Variants in SNED1 observed in about 807,000 individuals in gnomAD.
SNED1 encodes sushi, nidogen and EGF-like domain-containing protein 1.
Under a neutral mutation model 166.7 loss-of-function variants are expected in SNED1, and 81 were observed. The ratio of observed to expected loss-of-function variants is 0.49; its 90% CI spans 0.41 to 0.58. The LOEUF (loss-of-function observed/expected upper bound fraction) is 0.58. SNED1 is among the 20% of genes least tolerant of loss of function. The probability of loss-of-function intolerance (pLI) is 0.00; values close to 1 mark genes in which losing one functional copy is unlikely to be tolerated. For synonymous variants in SNED1, 762 were observed against 822.0 expected, an observed-to-expected ratio of 0.93 and a Z score of 1.25; for missense variants, 1,604 against 2,000.2, an observed-to-expected ratio of 0.80 and a Z score of 3.78.
rs776164747 is a variant in SNED1 at position 241,040,069 on chromosome 2, C to A, written c.1046-6C>A. On this transcript the variant is annotated splice_polypyrimidine_tract_variant and splice_region_variant and intron_variant, in intron 6 of 31. Transcript: ENST00000310397. ...CCATCGTCCTGTCTACACCTCCTCA[C>A]TCTAGCCCAATCCCCCTGTGACACC... 3 of 1,568,388 alleles carry A rather than the reference C, an allele frequency of 1.9e-6. No homozygotes were observed. Among genetic ancestry groups the A allele is most frequent in the Non-Finnish European group, 2.6e-6 (3 of 1,155,758 alleles).
At chr2:241,043,212 C>T (rs2061562516) in intron 8 of SNED1, among the ~76,000 whole-genome samples, 1 of 152,136 alleles carries the variant, frequency 6.6e-6, no homozygotes, top group Admixed American at 6.5e-5. Flanking sequence ...CCATGCAAAG[C>T]CATACCATAA....
chr2:241,052,679 G>A (rs1328468195), intron 15 of SNED1, among the ~76,000 whole-genome samples: 2 of 66,390 alleles, frequency 3.0e-5, no homozygotes, highest in African/African-American at 7.6e-5. Context: ...CCAGGCAGGT[G>A]AGAGGGTCGG....
At chr2:241,061,065 T>C (rs1166050991) in intron 16 of SNED1, among the ~76,000 whole-genome samples, 1 of 152,112 alleles carries the variant, frequency 6.6e-6, no homozygotes, top group Non-Finnish European at 1.5e-5. Context: ...TACTTGACCA[T>C]ATGAAAATTA....
chr2:241,089,880 T>A lies in SNED1; in HGVS notation c.*1+1478T>A, dbSNP rs2063800988. On this transcript the variant is annotated intron_variant, in intron 31 of 31. Coordinates refer to ENST00000310397, the MANE Select transcript of SNED1 (RefSeq NM_001080437.3). The stretch of plus-strand genomic sequence containing the variant: ...CGGGCTACACACCACAGCGTGTTAC[T>A]GAATACTGTAGGCGGTCGTAACACA... The A allele has an allele frequency of 4.0e-6, 6 of 1,491,960 alleles. No individual in the cohort carries two copies. The Admixed American group carries it at 1.2e-4, about 30-fold the overall frequency. The allele number at this position is 1,491,960 out of a possible 1,614,324, so 92.4% of individuals were successfully genotyped here. A position where few individuals can be genotyped will look rare whatever the true frequency, so the allele number is the denominator to read the frequency against.
intron 27 of SNED1, among the ~76,000 whole-genome samples, chr2:241,078,156 G>T (rs191617877): frequency 3.3e-5 from 5 of 150,906 alleles, no homozygotes; most frequent in Admixed American, 1.3e-4. Context: ...AGGCCGAGGC[G>T]GGCAGATCAC....
Position 241,051,641 on chromosome 2 carries a change from C to A in SNED1, c.1736-103C>A, listed in dbSNP as rs553841002. The A allele has an allele frequency of 5.3e-6, 5 of 934,776 alleles. No individual in the cohort carries two copies. Among genetic ancestry groups the A allele is most frequent in the Non-Finnish European group, 7.6e-6 (5 of 654,378 alleles). The allele number at this position is 934,776 out of a possible 1,614,324, so 57.9% of individuals were successfully genotyped here. The stretch of plus-strand genomic sequence containing the variant: ...AGGCCCCAGGGCTTCGTCGAGAAGG[C>A]CCCACCAGCACCAGAGGACTGAGGA... On this transcript the variant is annotated intron_variant, in intron 12 of 31. Coordinates refer to ENST00000310397, the MANE Select transcript of SNED1 (RefSeq NM_001080437.3). This position sits in a 1 kb window ranked among gnomAD's most constrained non-coding sequence, Gnocchi z 4.7.
In SNED1 at chr2:241,018,804, C is replaced by T. The variant is rs770087658; in HGVS notation, c.214-11480C>T. On this transcript the variant is annotated intron_variant, in intron 1 of 31. Coordinates refer to ENST00000310397, the MANE Select transcript of SNED1 (RefSeq NM_001080437.3). The surrounding 1 kb of genome is among the most constrained non-coding windows in gnomAD (Gnocchi z 5.4). ...AGCCCCACAGGAGAACCCAGGTGGC[C>T]GAACCAGAGCTGAGTGAATTCCTGA... 5.9e-4 allele frequency among the ~76,000 whole-genome samples: 90 copies of T among 152,130 alleles called. No individual in the cohort carries two copies. The highest frequency in any genetic ancestry group is 2.5e-4 in the Non-Finnish European group (17 of 68,030).
chr2:241,008,776 C>T (rs996947198), intron 1 of SNED1, among the ~76,000 whole-genome samples: 1 of 152,262 alleles, frequency 6.6e-6, no homozygotes, highest in Admixed American at 6.5e-5. Context: ...CGCCTCTGGG[C>T]TCTGCGGGCC....
chr2:241,009,032 G>T (rs1422859192), intron 1 of SNED1, among the ~76,000 whole-genome samples: 1 of 152,260 alleles, frequency 6.6e-6, no homozygotes, highest in Non-Finnish European at 1.5e-5. Context: ...GGCTCACTGG[G>T]GGCAGGACAT....
At chr2:241,079,651 AAAC>A (rs1437344363) in intron 27 of SNED1, among the ~76,000 whole-genome samples, 1 of 152,156 alleles carries the variant, frequency 6.6e-6, no homozygotes, top group Non-Finnish European at 1.5e-5. Context: ...AAGGTTTTAA[AAAC>A]AATAAAAAGA....
At chr2:241,074,207 A>G (rs1371233724) in intron 27 of SNED1, 1 of 152,146 alleles carries the variant, frequency 6.6e-6, no homozygotes, top group Non-Finnish European at 1.5e-5. Flanking sequence ...CCAGCTTCTC[A>G]AGGACATGTG....
intron 2 of SNED1, among the ~76,000 whole-genome samples, chr2:241,032,380 C>T (rs1450427162): frequency 6.6e-6 from 1 of 151,534 alleles, no homozygotes; most frequent in Non-Finnish European, 1.5e-5. Flanking sequence ...CACGTTCATA[C>T]TCGGAGCCAC....
chr2:241,048,254 G>A (rs2061718759), intron 8 of SNED1, 61 bp from the exon 9 acceptor site: 6 of 1,508,474 alleles, frequency 4.0e-6, no homozygotes, highest in Middle Eastern at 1.8e-4. Context: ...GGAGCTGGGC[G>A]GGGAGACCAC....
Position 241,026,009 on chromosome 2 carries a change from C to CTTTTTTTT in SNED1, c.214-4258_214-4251dup, listed in dbSNP as rs71404676. 6.0e-3 allele frequency among the ~76,000 whole-genome samples: 439 copies of CTTTTTTTT among 73,584 alleles called. 61 individuals are homozygous for CTTTTTTTT. The highest frequency in any genetic ancestry group is 0.019 in the African/African-American group (373 of 19,262). 48.3% of individuals were successfully genotyped at this position (73,584 alleles called of 152,430 possible). On this transcript the variant is annotated intron_variant, in intron 1 of 31. Transcript: ENST00000310397. ...TTGATGTGGCTTTGTTTTTCTTTTC[C>CTTTTTTTT]TTTTTTTTTTTTTTTTTTTTTTTTG... is the stretch of plus-strand genomic sequence containing the variant.
chr2:241,089,367 TAAA>T (rs542193760), intron 31 of SNED1: 1 of 1,550,318 alleles, frequency 6.5e-7, no homozygotes, highest in Non-Finnish European at 8.7e-7. Flanking sequence ...GTTACGTGCC[TAAA>T]AAAATAAAGG....
In SNED1 at chr2:241,048,377, G is replaced by A. The variant is rs781685199; in HGVS notation, c.1336G>A (p.Asp446Asn). Reference protein sequence around the residue: ...APCHNGGTCVDADQGYVCECP... With the variant: ...APCHNGGTCVNADQGYVCECP... Reference sequence around the variant, plus strand: ...TTGCCACAATGGGGGCACCTGTGTGGATGCGGACCAGGGCTACGTGTGCGA... The same window carrying A: ...TTGCCACAATGGGGGCACCTGTGTGAATGCGGACCAGGGCTACGTGTGCGA... Residue 446 changes from aspartate (D) to asparagine (N), a missense_variant, in exon 9 of 32, where the codon GAT becomes AAT. Around this residue, in one of 2 missense-constraint regions of SNED1, gnomAD observed 1,237 missense variants for 1,620.8 expected, o/e 0.76. Coordinates refer to ENST00000310397, the MANE Select transcript of SNED1 (RefSeq NM_001080437.3). The A allele has an allele frequency of 6.2e-7, 1 of 1,612,092 alleles. No homozygotes were observed. Among genetic ancestry groups the A allele is most frequent in the Non-Finnish European group, 8.5e-7 (1 of 1,179,226 alleles).
At position 241,069,622 on chromosome 2, in the gene SNED1, CA is replaced by C. The variant is rs2062611058; in HGVS notation, c.3308-297del. ...GCACAGGGCTCCACGCAGCCAGGCT[CA>C]GGGGAACCGACTGTGCCGCAGGGAG... On this transcript the variant is annotated intron_variant, in intron 23 of 31. Transcript: ENST00000310397. The surrounding 1 kb of genome is among the most constrained non-coding windows in gnomAD (Gnocchi z 4.9). Among the ~76,000 whole-genome samples, 1 of 152,170 alleles carries C rather than the reference CA, an allele frequency of 6.6e-6. No individual in the cohort carries two copies. The highest frequency in any genetic ancestry group is 2.1e-4 in the South Asian group (1 of 4,832).
intron 5 of SNED1, 49 bp downstream of exon 5, chr2:241,036,964 A>G: frequency 2.5e-6 from 4 of 1,569,224 alleles, no homozygotes; most frequent in Non-Finnish European, 3.5e-6. Context: ...CGCTGGGCTC[A>G]GGAGGAGCAC....
intron 8 of SNED1, among the ~76,000 whole-genome samples, chr2:241,046,900 T>A (rs1411490889): frequency 2.6e-5 from 4 of 152,158 alleles, no homozygotes; most frequent in Non-Finnish European, 4.4e-5. Context: ...ATCCCAGCAC[T>A]TTGGGAGGCC....
Sources: allele counts gnomAD v4.1 joint callset (sites outside exome capture counted in the v4.1 genomes callset), GRCh38; gene constraint gnomAD v4.1.1; regional missense constraint gnomAD v4.1.1; non-coding constraint Gnocchi (gnomAD v3.1); transcripts MANE v1.5; gene names NCBI Gene and HGNC (gene_info 2026-07-23, HGNC 2026-07-21).